The following PIK3C2G variants were observed in gnomAD, a reference collection of about 807,000 sequenced individuals.
The protein encoded by PIK3C2G is phosphatidylinositol 3-kinase C2 domain-containing subunit gamma.
In PIK3C2G, 168 loss-of-function variants were observed where a neutral mutation model predicts 181.1. The ratio of observed to expected loss-of-function variants is 0.93; its 90% confidence interval spans 0.82 to 1.05. The LOEUF is 1.05. Ranked by LOEUF, PIK3C2G falls within the 50% of genes least tolerant of loss-of-function variation. PIK3C2G has a pLI of 0.00. For synonymous variants in PIK3C2G, 573 were observed against 592.2 expected (o/e 0.97, Z 0.47); for missense variants, 1,869 against 1,732.8 (o/e 1.08, Z -1.40).
chr12:18,379,281 A>G (rs972744185), intron 13 of PIK3C2G, among the ~76,000 whole-genome samples: 5 of 148,506 alleles, frequency 3.4e-5, no homozygotes, highest in African/African-American at 1.2e-4. Context: ...ACCAAACACC[A>G]CATGTTCTCA....
downstream of PIK3C2G, among the ~76,000 whole-genome samples, chr12:18,650,712 CTATATATATATATATATATATATA>C (rs1157799425): frequency 3.0e-3 from 44 of 14,620 alleles, no homozygotes; most frequent in East Asian, 0.027. Context: ...GTGTATATAT[CTATATATATATATATATATATATA>C]TATATATATA....
intron 7 of PIK3C2G, among the ~76,000 whole-genome samples, chr12:18,322,680 C>T (rs1329627226): frequency 2.6e-5 from 4 of 152,258 alleles, no homozygotes; most frequent in African/African-American, 7.2e-5. Flanking sequence ...TTACAAAGGA[C>T]ATTTTCTTTC....
At chr12:18,395,027 CTTTCTTTG>C (rs59887780) in intron 15 of PIK3C2G, among the ~76,000 whole-genome samples, 19,029 of 150,052 alleles carry the variant, frequency 0.13, 1,186 homozygotes, top group African/African-American at 0.16. Context: ...TTCTTTCTTT[CTTTCTTTG>C]TTTCTTTCAT....
At chr12:18,692,027 A>G in the PIK3C2G span, among the ~76,000 whole-genome samples, 1 of 152,144 alleles carries the variant, frequency 6.6e-6, no homozygotes, top group African/African-American at 2.4e-5. Context: ...ATCCTGTGGT[A>G]TTACGATGGT....
At chr12:18,317,893 A>G (rs1271933149) in intron 6 of PIK3C2G, among the ~76,000 whole-genome samples, 1 of 152,246 alleles carries the variant, frequency 6.6e-6, no homozygotes, top group Admixed American at 6.5e-5. Flanking sequence ...TGAGAACTCA[A>G]CTGAGAAATA....
At chr12:18,723,233 G>T in the PIK3C2G span, 92 of 1,251,684 alleles carry the variant, frequency 7.4e-5, no homozygotes, top group Non-Finnish European at 6.6e-5. Flanking sequence ...AAAATACTTT[G>T]CTTTGAAATA....
chr12:18,262,655 G>C (rs112563879), intron 1 of PIK3C2G, among the ~76,000 whole-genome samples: 1 of 150,010 alleles, frequency 6.7e-6, no homozygotes, highest in Non-Finnish European at 1.5e-5. Context: ...CTATAGAAAA[G>C]GTTCATAGTA....
At chr12:18,649,807 A>G (rs74063758), downstream of PIK3C2G, among the ~76,000 whole-genome samples, 23,670 of 152,054 alleles carry the variant, frequency 0.16, 2,356 homozygotes, top group East Asian at 0.44. Flanking sequence ...TATTTTCTTC[A>G]TTTGGCTTCC....
the PIK3C2G span, chr12:18,696,348 A>ATATATATC: frequency 7.0e-5 from 15 of 214,328 alleles, 1 homozygote; most frequent in African/African-American, 2.8e-4. Flanking sequence ...ATATATATAT[A>ATATATATC]TATCATATAA....
At chr12:18,666,422 T>G in the PIK3C2G span, among the ~76,000 whole-genome samples, 21 of 152,172 alleles carry the variant, frequency 1.4e-4, no homozygotes, top group East Asian at 4.1e-3. Flanking sequence ...CAAAAAGAGC[T>G]GGGGTGGCTA....
chr12:18,305,247 G>A (rs1007020089), intron 5 of PIK3C2G, among the ~76,000 whole-genome samples: 14 of 152,132 alleles, frequency 9.2e-5, no homozygotes, highest in African/African-American at 3.4e-4. Flanking sequence ...ACTTGAGAGT[G>A]AAATCCCAAA....
intron 18 of PIK3C2G, among the ~76,000 whole-genome samples, chr12:18,434,752 TA>T (rs1323104823): frequency 6.6e-6 from 1 of 152,120 alleles, no homozygotes; most frequent in Non-Finnish European, 1.5e-5. Flanking sequence ...AACCTCTCCA[TA>T]AAGTGGTAGA....
At chr12:18,536,807 A>G (rs1943877005) in intron 24 of PIK3C2G, among the ~76,000 whole-genome samples, 1 of 152,088 alleles carries the variant, frequency 6.6e-6, no homozygotes. Context: ...TGAAGGCCAA[A>G]TAAAAAAGGA....
chr12:18,250,870 G>C lies in PIK3C2G; in HGVS notation c.-79+2788G>C, dbSNP rs536147277. On this transcript the variant is annotated intron_variant, in intron 1 of 11. Transcript: ENST00000535651. ...GAATAGCATTTCATGCCATATAATT[G>C]TATTATACTCAAAATATACGTAAAA... Among the ~76,000 whole-genome samples, 3 of 151,966 alleles carry C rather than the reference G, an allele frequency of 2.0e-5. No individual in the cohort carries two copies. The South Asian group carries it at 6.2e-4, about 32-fold the overall frequency.
At chr12:18,575,272 A>G (rs1404862402) in intron 29 of PIK3C2G, among the ~76,000 whole-genome samples, 5 of 152,190 alleles carry the variant, frequency 3.3e-5, no homozygotes, top group Non-Finnish European at 7.3e-5. Flanking sequence ...AACTGATATA[A>G]GAATGTTAAA....
chr12:18,658,374 C>A, the PIK3C2G span, among the ~76,000 whole-genome samples: 3 of 152,106 alleles, frequency 2.0e-5, no homozygotes, highest in Non-Finnish European at 2.9e-5. Context: ...TAACAAGATT[C>A]ACAATGAGAC....
the PIK3C2G span, chr12:18,713,134 G>C: frequency 9.7e-7 from 1 of 1,034,824 alleles, no homozygotes; most frequent in Admixed American, 2.3e-5. Context: ...TTTGGGACAA[G>C]TTTTGAGTCT....
the PIK3C2G span, among the ~76,000 whole-genome samples, chr12:18,684,615 A>G: frequency 6.2e-4 from 95 of 152,214 alleles, 2 homozygotes; most frequent in African/African-American, 2.2e-3. Flanking sequence ...TCAGGAATTC[A>G]AAAACGGGGA....
chr12:18,686,061 T>C, the PIK3C2G span, among the ~76,000 whole-genome samples: 2 of 152,132 alleles, frequency 1.3e-5, no homozygotes, highest in Non-Finnish European at 2.9e-5. Flanking sequence ...TCTAGCTAAA[T>C]CATCTTAAAA....
Sources: gnomAD v4.1 joint callset for allele counts (sites outside exome capture counted in the v4.1 genomes callset) on GRCh38, gnomAD v4.1.1 for gene constraint, MANE v1.5 for transcripts, NCBI Gene and HGNC (gene_info 2026-07-23, HGNC 2026-07-21) for gene names.